The following ARID1B variants were observed in gnomAD, a reference collection of about 807,000 sequenced individuals.
The protein encoded by ARID1B is AT-rich interaction domain 1B, also known as AT-rich interactive domain-containing protein 1B.
ARID1B carries 30 observed loss-of-function variants against 212.3 expected under a neutral mutation model. That is an observed-to-expected ratio of 0.14 (90% CI 0.11 to 0.19). The LOEUF is 0.19. ARID1B is among the 10% of genes least tolerant of loss of function. The pLI is 1.00. For synonymous variants in ARID1B, 1,402 were observed against 1,301.7 expected (o/e 1.08, Z -1.66); for missense variants, 2,891 against 3,204.0 (o/e 0.90, Z 2.36).
chr6:157,032,898 T>C (rs1056150697), intron 4 of ARID1B, among the ~76,000 whole-genome samples: 1 of 152,170 alleles, frequency 6.6e-6, no homozygotes, highest in Non-Finnish European at 1.5e-5. Context: ...TAGAGTATCC[T>C]GGAAATCTTT....
intron 3 of ARID1B, among the ~76,000 whole-genome samples, chr6:156,915,964 C>T (rs368162101): frequency 1.3e-4 from 19 of 151,068 alleles, no homozygotes; most frequent in South Asian, 1.0e-3. Context: ...ACAAATTACG[C>T]GCCCCACCCC....
intron 10 of ARID1B, 144 bp downstream of exon 10, chr6:157,174,261 C>T: frequency 1.5e-6 from 1 of 648,228 alleles, no homozygotes; most frequent in South Asian, 2.0e-5. Flanking sequence ...TGTTTGTAGT[C>T]TTCTTTTCTT....
At chr6:157,004,890 CTTTTTTCTTTTTTTTTT>C (rs1211534430) in intron 4 of ARID1B, among the ~76,000 whole-genome samples, 4 of 35,694 alleles carry the variant, frequency 1.1e-4, no homozygotes, top group African/African-American at 2.6e-4. Flanking sequence ...TTTTCTTCTT[CTTTTTTCTTTTTTTTTT>C]TTTTTTTTTT....
chr6:157,148,526 A>G lies in ARID1B; in HGVS notation c.2762-98A>G. ...AGGGCCTATAACGGTCATGACTAATACTCCGTGCTGATCGCATTGTTGGAC... is the reference window on the plus strand; with the variant it reads ...AGGGCCTATAACGGTCATGACTAATGCTCCGTGCTGATCGCATTGTTGGAC... On this transcript the variant is annotated intron_variant, in intron 7 of 19. Coordinates refer to ENST00000636930, the MANE Select transcript of ARID1B (RefSeq NM_001374828.1). The surrounding 1 kb of genome is among the most constrained non-coding windows in gnomAD (Gnocchi z 5.6). 7.4e-7 allele frequency: 1 copy of G among 1,345,406 alleles called. No homozygotes were observed. The highest frequency in any genetic ancestry group is 1.0e-6 in the Non-Finnish European group (1 of 983,060). The allele number at this position is 1,345,406 out of a possible 1,614,324, so 83.3% of individuals were successfully genotyped here.
At chr6:157,134,866 G>T (rs1788808502) in intron 7 of ARID1B, among the ~76,000 whole-genome samples, 1 of 152,194 alleles carries the variant, frequency 6.6e-6, no homozygotes, top group Non-Finnish European at 1.5e-5. Flanking sequence ...TCAGAATTGG[G>T]TGTGGCTGAA....
intron 6 of ARID1B, among the ~76,000 whole-genome samples, chr6:157,123,903 G>A (rs1421676769): frequency 6.6e-6 from 1 of 152,248 alleles, no homozygotes; most frequent in Non-Finnish European, 1.5e-5. Flanking sequence ...CACAGCTGCT[G>A]AACTAGTAAG....
At chr6:157,083,661 CA>C (rs1784774445) in intron 4 of ARID1B, among the ~76,000 whole-genome samples, 1 of 152,178 alleles carries the variant, frequency 6.6e-6, no homozygotes, top group Non-Finnish European at 1.5e-5. Context: ...GGTTTTTAAT[CA>C]CTGCCTCAGA....
At chr6:156,876,409 C>G (rs1055707146) in intron 2 of ARID1B, among the ~76,000 whole-genome samples, 7 of 152,122 alleles carry the variant, frequency 4.6e-5, no homozygotes, top group African/African-American at 1.7e-4. Context: ...CGTCCTGGTT[C>G]CAGTGGCTCT....
intron 7 of ARID1B, among the ~76,000 whole-genome samples, chr6:157,139,402 TG>T (rs1789176710): frequency 6.6e-6 from 1 of 152,158 alleles, no homozygotes; most frequent in Non-Finnish European, 1.5e-5. Context: ...GGAAATTACC[TG>T]TTGACACATT....
intron 5 of ARID1B, among the ~76,000 whole-genome samples, chr6:157,087,947 C>T (rs1785056337): frequency 6.6e-6 from 1 of 152,230 alleles, no homozygotes; most frequent in African/African-American, 2.4e-5. Context: ...TTTAGCTGAA[C>T]ACTTAGCCCC....
intron 13 of ARID1B, chr6:157,185,629 C>T (rs1168994589): frequency 1.3e-5 from 2 of 152,206 alleles, no homozygotes; most frequent in East Asian, 1.9e-4. Context: ...ACAGTATACA[C>T]GATACCCACC....
chr6:156,878,707 A>G (rs558118261), intron 2 of ARID1B, among the ~76,000 whole-genome samples: 1 of 152,306 alleles, frequency 6.6e-6, no homozygotes, highest in Admixed American at 6.5e-5. Flanking sequence ...TATCAGGCTC[A>G]TAATAAGGTG....
At chr6:157,173,473 A>G (rs1791861806) in intron 9 of ARID1B, 2 of 152,314 alleles carry the variant, frequency 1.3e-5, no homozygotes, top group Non-Finnish European at 2.9e-5. Flanking sequence ...TTTTGAAGCC[A>G]TCTGCTGTGA....
intron 2 of ARID1B, among the ~76,000 whole-genome samples, chr6:156,858,851 T>TA (rs371646772): frequency 1.2e-4 from 19 of 152,202 alleles, no homozygotes; most frequent in Admixed American, 3.3e-4. Flanking sequence ...AATTAAAAGT[T>TA]AAAAAAACCG....
intron 4 of ARID1B, among the ~76,000 whole-genome samples, chr6:156,980,564 A>G (rs1777546182): frequency 6.6e-6 from 1 of 152,330 alleles, no homozygotes; most frequent in Admixed American, 6.5e-5. Context: ...CATTGGGGAT[A>G]CAGAGATGAA....
chr6:156,897,214 TG>T (rs1788499406), intron 2 of ARID1B, among the ~76,000 whole-genome samples: 36 of 75,502 alleles, frequency 4.8e-4, no homozygotes, highest in African/African-American at 1.7e-3. Context: ...CTGCTGCTGC[TG>T]CTGCTTCTTC....
rs116096859 is a variant in ARID1B, at chr6:156,968,481, T to G, written c.2247+32905T>G. Among the ~76,000 whole-genome samples, 203 of 152,340 alleles carry G rather than the reference T, an allele frequency of 1.3e-3. 2 individuals are homozygous for G. Among genetic ancestry groups the G allele is most frequent in the African/African-American group, 4.6e-3 (191 of 41,576 alleles). ...ATGTTTTAGAATGGAAAATGTAAATTAAGCCTTTGTTTTCCATCATCATTC... is the reference window on the plus strand; with the variant it reads ...ATGTTTTAGAATGGAAAATGTAAATGAAGCCTTTGTTTTCCATCATCATTC... On this transcript the variant is annotated intron_variant, in intron 4 of 19. Coordinates refer to ENST00000636930, the MANE Select transcript of ARID1B (RefSeq NM_001374828.1).
chr6:157,042,168 C>T (rs368379861), intron 4 of ARID1B, among the ~76,000 whole-genome samples: 16 of 152,240 alleles, frequency 1.1e-4, no homozygotes, highest in South Asian at 1.0e-3. Context: ...AATATCCTGC[C>T]GAATGAATGA....
rs1390344292 is a variant in ARID1B, at chr6:156,897,206, GCTGCTGCTGCTGCTTCTTCTT to G, written c.1987-4167_1987-4147del. Among the ~76,000 whole-genome samples, 56 of 82,830 alleles carry G rather than the reference GCTGCTGCTGCTGCTTCTTCTT, an allele frequency of 6.8e-4. 1 individual carries two copies. Among genetic ancestry groups the G allele is most frequent in the South Asian group, 1.2e-3 (3 of 2,406 alleles). The allele number at this position is 82,830 out of a possible 152,430, so 54.3% of individuals were successfully genotyped here. A position where few individuals can be genotyped will look rare whatever the true frequency, so the allele number is the denominator to read the frequency against. On this transcript the variant is annotated intron_variant, in intron 2 of 19. Transcript: ENST00000636930. ...TGCTGCTGCTACTGCTGCTGCTGCT[GCTGCTGCTGCTGCTTCTTCTT>G]CTTCTTCTTCTTCTTCTTCTTCTTC...
Sources: allele counts gnomAD v4.1 joint callset (sites outside exome capture counted in the v4.1 genomes callset), GRCh38; gene constraint gnomAD v4.1.1; non-coding constraint Gnocchi (gnomAD v3.1); transcripts MANE v1.5; gene names NCBI Gene and HGNC (gene_info 2026-07-23, HGNC 2026-07-21).